The following SHROOM4 variants were observed in gnomAD, a reference collection of about 807,000 sequenced individuals.
SHROOM4 encodes the protein shroom family member 4.
A neutral mutation model predicts 80.3 loss-of-function variants in SHROOM4; 17 were observed. The observed-to-expected ratio is 0.21, with a 90% confidence interval of 0.14 to 0.32. SHROOM4 has a LOEUF of 0.32. Ranked by LOEUF, SHROOM4 falls within the 10% of genes least tolerant of loss-of-function variation. The pLI is 1.00. For synonymous variants in SHROOM4, 400 were observed against 437.5 expected, an observed-to-expected ratio of 0.91 and a Z score of 1.07; for missense variants, 993 against 1,140.3, an observed-to-expected ratio of 0.87 and a Z score of 1.86.
chrX:50,634,574 G>A lies in SHROOM4; in HGVS notation c.1499C>T (p.Ala500Val). 8.3e-7 allele frequency: 1 copy of A among 1,211,951 alleles called. No homozygotes were observed. ...QSQSSPPHGEADGHPSEKGFL... is the reference protein window; with the variant it reads ...QSQSSPPHGEVDGHPSEKGFL... ...ACCTTTTTCTGAGGGGTGTCCATCAGCCTCTCCATGTGGGGGACTGCTTTG... is the reference window on the plus strand; with the variant it reads ...ACCTTTTTCTGAGGGGTGTCCATCAACCTCTCCATGTGGGGGACTGCTTTG... Residue 500 changes from alanine to valine, a missense_variant, in exon 4 of 9, where the codon GCT (alanine) becomes GTT (valine). By Grantham distance (64) the Ala-to-Val change is moderately conservative. Coordinates refer to ENST00000376020, the MANE Select transcript of SHROOM4 (RefSeq NM_020717.5).
chrX:50,599,393 G>A (rs902974585), intron 7 of SHROOM4, among the ~76,000 whole-genome samples: 11 of 111,353 alleles, frequency 9.9e-5, no homozygotes, highest in Non-Finnish European at 3.8e-5. Flanking sequence ...TTGCCACTTC[G>A]TAGCTGTGGG....
At position 50,596,883 on chromosome X, in the gene SHROOM4, C is replaced by T. The variant is rs1557246780; in HGVS notation, c.4294G>A (p.Glu1432Lys). ...KELKEHVDRR[E>K]KLVFGMVSRY... ...GAGACCATGCCAAACACCAACTTCTCCCGGCGGTCCACGTGCTCCTTCAGC... is the reference window on the plus strand; with the variant it reads ...GAGACCATGCCAAACACCAACTTCTTCCGGCGGTCCACGTGCTCCTTCAGC... Residue 1432 changes from glutamate to lysine, a missense_variant, in exon 9 of 9, where the codon GAG (glutamate) becomes AAG (lysine). Coordinates refer to ENST00000376020, the MANE Select transcript of SHROOM4 (RefSeq NM_020717.5). The T allele has an allele frequency of 8.3e-7, 1 of 1,211,267 alleles. No homozygotes were observed. Among genetic ancestry groups the T allele is most frequent in the Non-Finnish European group, 1.1e-6 (1 of 895,315 alleles).
intron 1 of SHROOM4, among the ~76,000 whole-genome samples, chrX:50,783,467 A>C (rs2147680918): frequency 8.9e-6 from 1 of 112,430 alleles, no homozygotes; most frequent in East Asian, 2.8e-4. Flanking sequence ...AGATTAGAAA[A>C]ATCAGTACTG....
intron 1 of SHROOM4, among the ~76,000 whole-genome samples, chrX:50,808,974 AC>A (rs1936280541): frequency 9.0e-6 from 1 of 110,719 alleles, no homozygotes; most frequent in Non-Finnish European, 1.9e-5. Flanking sequence ...CATACCACCC[AC>A]CCTTCTTGCT....
intron 1 of SHROOM4, among the ~76,000 whole-genome samples, chrX:50,740,223 C>A (rs1934619828): frequency 1.0e-5 from 1 of 100,145 alleles, no homozygotes; most frequent in Admixed American, 1.1e-4. Flanking sequence ...AGGAGATATA[C>A]CTAATGCTAA....
intron 5 of SHROOM4, 122 bp from the exon 6 acceptor site, chrX:50,608,306 T>C: frequency 1.8e-6 from 1 of 565,222 alleles, no homozygotes; most frequent in Non-Finnish European, 2.9e-6. Flanking sequence ...GTGTAGTAAA[T>C]GTAATAATAG....
chrX:50,651,280 A>C (rs893844274), intron 2 of SHROOM4, among the ~76,000 whole-genome samples: 1 of 112,290 alleles, frequency 8.9e-6, no homozygotes, highest in Non-Finnish European at 1.9e-5. Flanking sequence ...ATTTTTATGC[A>C]ACATTTACAG....
chrX:50,601,606 G>A (rs1602354600), intron 7 of SHROOM4, among the ~76,000 whole-genome samples: 1 of 112,238 alleles, frequency 8.9e-6, no homozygotes, highest in African/African-American at 3.2e-5. Flanking sequence ...CAATAGGTAA[G>A]TGCAGGGAGG....
chrX:50,577,104 T>TAG, the SHROOM4 span, among the ~76,000 whole-genome samples: 1 of 112,493 alleles, frequency 8.9e-6, no homozygotes, highest in African/African-American at 3.2e-5. Context: ...ACTTTAGCCA[T>TAG]AGCAAAGGTA....
At chrX:50,802,009 A>T (rs1305458178) in intron 1 of SHROOM4, among the ~76,000 whole-genome samples, 3 of 111,896 alleles carry the variant, frequency 2.7e-5, no homozygotes, top group Non-Finnish European at 5.6e-5. Flanking sequence ...CCATGTAGAA[A>T]ATCGGGTGAT....
chrX:50,655,331 T>C (rs1465455705), intron 2 of SHROOM4, among the ~76,000 whole-genome samples: 2 of 109,333 alleles, frequency 1.8e-5, no homozygotes, highest in Non-Finnish European at 3.8e-5. Context: ...CTGTAAGAGT[T>C]CAGCTTTTTT....
intron 2 of SHROOM4, among the ~76,000 whole-genome samples, chrX:50,686,331 G>A (rs1299319191): frequency 9.0e-6 from 1 of 110,898 alleles, no homozygotes; most frequent in Non-Finnish European, 1.9e-5. Flanking sequence ...CCCCGCGCCT[G>A]GCCGGATGAA....
At chrX:50,678,448 C>T (rs1602426844) in intron 2 of SHROOM4, among the ~76,000 whole-genome samples, 1 of 111,714 alleles carries the variant, frequency 9.0e-6, no homozygotes, top group East Asian at 2.8e-4. Flanking sequence ...TTCTAGCCAT[C>T]TCAGTATTTC....
intron 1 of SHROOM4, among the ~76,000 whole-genome samples, chrX:50,812,083 G>T (rs926036782): frequency 9.1e-6 from 1 of 109,380 alleles, no homozygotes; most frequent in African/African-American, 3.3e-5. Context: ...TTCTCAAGAT[G>T]GGTCAGCTCT....
chrX:50,628,574 A>C (rs1930910272), intron 4 of SHROOM4, among the ~76,000 whole-genome samples: 2 of 111,478 alleles, frequency 1.8e-5, no homozygotes, highest in Admixed American at 9.5e-5. Context: ...TGCTACTACT[A>C]TTAGTCCCAT....
intron 1 of SHROOM4, among the ~76,000 whole-genome samples, chrX:50,722,354 C>T (rs983348097): frequency 9.2e-6 from 1 of 109,218 alleles, no homozygotes; most frequent in African/African-American, 3.3e-5. Flanking sequence ...TAGGCTAAAA[C>T]CTACCTAAGG....
At chrX:50,639,555 G>T (rs1004879892) in intron 2 of SHROOM4, among the ~76,000 whole-genome samples, 4 of 111,476 alleles carry the variant, frequency 3.6e-5, no homozygotes, top group Non-Finnish European at 7.5e-5. Context: ...TATTTACTGT[G>T]CCAGGGTCCA....
At chrX:50,764,479 A>G (rs1935229628) in intron 1 of SHROOM4, among the ~76,000 whole-genome samples, 1 of 111,495 alleles carries the variant, frequency 9.0e-6, no homozygotes, top group Admixed American at 9.5e-5. Flanking sequence ...AGGATGCCCC[A>G]TCTTCTTGGC....
chrX:50,660,332 C>T (rs781916794), intron 2 of SHROOM4, among the ~76,000 whole-genome samples: 1 of 111,430 alleles, frequency 9.0e-6, no homozygotes, highest in East Asian at 2.8e-4. Flanking sequence ...GATGCAGATG[C>T]TGCTGATCCA....
Sources: allele counts gnomAD v4.1 joint callset (sites outside exome capture counted in the v4.1 genomes callset), GRCh38; gene constraint gnomAD v4.1.1; transcripts MANE v1.5; gene names NCBI Gene and HGNC (gene_info 2026-07-23, HGNC 2026-07-21).